The following ATXN7 variants were observed in gnomAD, a reference collection of about 807,000 sequenced individuals.
ATXN7 encodes ataxin 7, also known as ataxin-7.
In ATXN7, 12 loss-of-function variants were observed where a neutral mutation model predicts 70.5. The ratio of observed to expected loss-of-function variants is 0.17; its 90% CI spans 0.11 to 0.28. The LOEUF (loss-of-function observed/expected upper bound fraction) is 0.28, where lower values mean the gene tolerates loss of function less well. Ranked by LOEUF, ATXN7 falls within the 10% of genes least tolerant of loss-of-function variation. The pLI, the probability that ATXN7 is intolerant of heterozygous loss-of-function variation, is 1.00. For missense variants in ATXN7, 1,256 were observed against 1,131.7 expected (o/e 1.11, Z -1.58); for synonymous variants, 498 against 448.7 (o/e 1.11, Z -1.39).
At chr3:63,947,312 G>T (rs916486190) in intron 4 of ATXN7, among the ~76,000 whole-genome samples, 1 of 152,142 alleles carries the variant, frequency 6.6e-6, no homozygotes, top group African/African-American at 2.4e-5. Context: ...CTGGCCAGGC[G>T]CAGTAGCTCA....
intron 12 of ATXN7, chr3:63,998,039 G>A (rs2075787793): frequency 3.0e-6 from 3 of 985,254 alleles, no homozygotes; most frequent in East Asian, 1.1e-4. Flanking sequence ...GACATGGTGT[G>A]CCGATTCTTC....
intron 10 of ATXN7, 138 bp downstream of exon 10, chr3:63,990,512 GC>G: frequency 1.6e-6 from 2 of 1,216,986 alleles, no homozygotes; most frequent in African/African-American, 1.5e-5. Flanking sequence ...AAAACAGGGT[GC>G]CCCAGAGGCA....
chr3:63,952,252 A>G, intron 4 of ATXN7, 127 bp from the exon 5 acceptor site: 1 of 556,286 alleles, frequency 1.8e-6, no homozygotes, highest in Non-Finnish European at 3.2e-6. Context: ...GTGGTGGTGT[A>G]CCACATCAGT....
chr3:63,948,048 A>G (rs1186345969), intron 4 of ATXN7, among the ~76,000 whole-genome samples: 2 of 152,088 alleles, frequency 1.3e-5, no homozygotes, highest in Non-Finnish European at 2.9e-5. Flanking sequence ...GAGTGATGTG[A>G]TCTGGTGGGG....
rs746927223 is a variant in ATXN7, at chr3:63,988,253, C to T, written c.1290C>T (p.His430=). ...RTSQEPHQNP[H]GVIPSESKPF... is the part of the protein sequence containing the mutation. ...CACAGGAGCCGCACCAAAACCCTCA[C>T]GGAGTGATTCCTTCCGAATCAAAGC... Residue 430 remains histidine (H), a synonymous_variant, in exon 9 of 13, where the codon CAC becomes CAT. Transcript: ENST00000674280. The T allele has an allele frequency of 1.1e-5, 17 of 1,614,000 alleles. No homozygotes were observed. Among genetic ancestry groups the T allele is most frequent in the African/African-American group, 5.3e-5 (4 of 74,892 alleles).
intron 9 of ATXN7, among the ~76,000 whole-genome samples, chr3:63,988,693 G>A (rs1444896060): frequency 2.0e-5 from 3 of 152,142 alleles, no homozygotes; most frequent in African/African-American, 7.2e-5. Context: ...ATATAGCAGT[G>A]GGAATTCTTG....
intron 8 of ATXN7, among the ~76,000 whole-genome samples, chr3:63,986,000 G>A (rs141747673): frequency 2.6e-5 from 4 of 152,316 alleles, no homozygotes; most frequent in Admixed American, 1.3e-4. Context: ...ACTACATTAT[G>A]AAAGCCTGCA....
intron 4 of ATXN7, among the ~76,000 whole-genome samples, chr3:63,927,418 C>T (rs1347141998): frequency 1.3e-5 from 2 of 152,140 alleles, no homozygotes; most frequent in African/African-American, 4.8e-5. Context: ...CTAATTTGCA[C>T]AATTGGCCCG....
Position 64,003,054 on chromosome 3 carries a change from G to C in ATXN7, c.*3587G>C, listed in dbSNP as rs918706124. The C allele has an allele frequency of 2.6e-5, 4 of 152,036 alleles. No individual in the cohort carries two copies. Among genetic ancestry groups the C allele is most frequent in the African/African-American group, 9.7e-5 (4 of 41,406 alleles). The allele number at this position is 152,036 out of a possible 1,614,324, so 9.4% of individuals were successfully genotyped here. ...TCGCTCATTCTGTCCAGGGGGTTTG[G>C]GGCGATTGGGCTTTGAAAAAATATT... On this transcript the variant is annotated 3_prime_UTR_variant, in exon 13 of 13. Coordinates refer to ENST00000674280, the MANE Select transcript of ATXN7 (RefSeq NM_001377405.1).
chr3:63,894,893 T>C (rs1703396621), intron 1 of ATXN7, among the ~76,000 whole-genome samples: 1 of 152,136 alleles, frequency 6.6e-6, no homozygotes, highest in African/African-American at 2.4e-5. Flanking sequence ...TCTTTACATA[T>C]CTAGAATGGA....
In ATXN7 at chr3:63,865,998, CAG is replaced by C. The variant is rs1431286689; in HGVS notation, c.-111+1841_-111+1842del. Among the ~76,000 whole-genome samples, 3 of 135,508 alleles carry C rather than the reference CAG, an allele frequency of 2.2e-5. No homozygotes were observed. The Admixed American group carries it at 2.4e-4, about 11-fold the overall frequency. The allele number at this position is 135,508 out of a possible 152,430, so 88.9% of individuals were successfully genotyped here. On this transcript the variant is annotated intron_variant, in intron 1 of 12. Coordinates refer to ENST00000674280, the MANE Select transcript of ATXN7 (RefSeq NM_001377405.1). The stretch of plus-strand genomic sequence containing the variant: ...TCTTATCATAATACTGATTTTGAAA[CAG>C]TGTCAGTGATTTAAAATAATCTGTA...
chr3:63,993,041 T>G (rs914617454), intron 11 of ATXN7, among the ~76,000 whole-genome samples: 1 of 152,144 alleles, frequency 6.6e-6, no homozygotes, highest in African/African-American at 2.4e-5. Context: ...TGTGGTAAAA[T>G]TGAAGGTAAG....
intron 5 of ATXN7, among the ~76,000 whole-genome samples, chr3:63,953,050 G>A (rs145147986): frequency 3.3e-5 from 5 of 152,020 alleles, no homozygotes; most frequent in South Asian, 2.1e-4. Context: ...ATTTGAATAC[G>A]TACCTTGTTT....
At chr3:63,951,243 G>A (rs1022870679) in intron 4 of ATXN7, among the ~76,000 whole-genome samples, 1 of 152,032 alleles carries the variant, frequency 6.6e-6, no homozygotes, top group African/African-American at 2.4e-5. Flanking sequence ...CCATAGCCAT[G>A]TGTAGATACT....
intron 6 of ATXN7, among the ~76,000 whole-genome samples, chr3:63,981,930 CAT>C (rs753770695): frequency 1.3e-5 from 2 of 152,152 alleles, no homozygotes; most frequent in African/African-American, 2.4e-5. Context: ...CCCATTGCCT[CAT>C]GTGTAAAATT....
chr3:63,930,532 ATTT>A (rs60958975), intron 4 of ATXN7, among the ~76,000 whole-genome samples: 3 of 144,110 alleles, frequency 2.1e-5, no homozygotes, highest in Admixed American at 6.9e-5. Context: ...AGAGTTTACA[ATTT>A]TTTTTTTTTT....
chr3:63,925,381 TG>T, intron 4 of ATXN7, among the ~76,000 whole-genome samples: 1 of 152,172 alleles, frequency 6.6e-6, no homozygotes, highest in Non-Finnish European at 1.5e-5. Flanking sequence ...AGGAGGTAAG[TG>T]GGGGTGGGGG....
At position 63,995,909 on chromosome 3, in the gene ATXN7, G is replaced by A. The variant is rs762360091; in HGVS notation, c.2087G>A (p.Ser696Asn). 3.1e-6 allele frequency: 5 copies of A among 1,614,222 alleles called. No individual in the cohort carries two copies. The highest frequency in any genetic ancestry group is 2.5e-6 in the Non-Finnish European group (3 of 1,180,042). ...SGNSTNCQNA[S>N]SSTSGGSGKK... ...AACAGCACTAACTGTCAAAATGCCA[G>A]TAGCAGTACCAGTGGCGGCTCAGGA... The change falls in exon 12 of 13, where the codon AGT (serine) becomes AAT (asparagine). Residue 696 changes from serine (S) to asparagine (N), a missense_variant. By Grantham distance (46) the Ser-to-Asn change is conservative (BLOSUM62 1). Transcript: ENST00000674280.
chr3:63,881,046 G>A (rs1411545331), intron 1 of ATXN7, among the ~76,000 whole-genome samples: 1 of 152,164 alleles, frequency 6.6e-6, no homozygotes, highest in East Asian at 1.9e-4. Flanking sequence ...TGTAGAATGG[G>A]AATAATGATG....
Sources: gnomAD v4.1 joint callset for allele counts (sites outside exome capture counted in the v4.1 genomes callset) on GRCh38, gnomAD v4.1.1 for gene constraint, MANE v1.5 for transcripts, NCBI Gene and HGNC (gene_info 2026-07-23, HGNC 2026-07-21) for gene names.